The following RSU1 variants were observed in gnomAD, a reference collection of about 807,000 sequenced individuals.
RSU1 encodes Ras suppressor protein 1.
Under a neutral mutation model 31.1 loss-of-function variants are expected in RSU1, and 26 were observed. That is an observed-to-expected ratio of 0.84 (90% CI 0.61 to 1.16). The LOEUF is 1.16. Ranked by LOEUF, RSU1 falls within the 50% of genes most tolerant of loss-of-function variation. RSU1 has a pLI of 0.00. For synonymous variants in RSU1, 164 were observed against 136.3 expected, an observed-to-expected ratio of 1.20 and a Z score of -1.41; for missense variants, 320 against 339.1, an observed-to-expected ratio of 0.94 and a Z score of 0.44.
intron 2 of RSU1, among the ~76,000 whole-genome samples, chr10:16,811,948 G>T (rs1247416027): frequency 6.6e-6 from 1 of 152,156 alleles, no homozygotes; most frequent in Non-Finnish European, 1.5e-5. Flanking sequence ...GAGTATTCTC[G>T]AGGGGCCTCC....
intron 8 of RSU1, among the ~76,000 whole-genome samples, chr10:16,674,393 C>T (rs926171338): frequency 6.6e-4 from 93 of 141,058 alleles, no homozygotes; most frequent in African/African-American, 2.1e-3. Context: ...GGATGTGTCA[C>T]GGAAGGTTTT....
Position 16,695,255 on chromosome 10 carries a change from A to G in RSU1, c.599-100T>C, listed in dbSNP as rs1835653105. On this transcript the variant is annotated intron_variant, in intron 7 of 8. Transcript: ENST00000345264. ...TCACAGCCTAAGTACCCTAAATCAA[A>G]CCCTAAGTGCCTCTTGGATCATTTG... The G allele has an allele frequency of 2.7e-6, 3 of 1,122,044 alleles. No individual in the cohort carries two copies. The South Asian group carries it at 5.4e-5, about 20-fold the overall frequency. 69.5% of individuals were successfully genotyped at this position (1,122,044 alleles called of 1,614,324 possible).
At chr10:16,799,419 C>T (rs1273927641) in intron 2 of RSU1, among the ~76,000 whole-genome samples, 1 of 152,160 alleles carries the variant, frequency 6.6e-6, no homozygotes, top group Non-Finnish European at 1.5e-5. Flanking sequence ...GCAGAAATAC[C>T]TGCTGGAGCC....
At chr10:16,740,795 G>A (rs1424929426) in intron 7 of RSU1, among the ~76,000 whole-genome samples, 1 of 152,118 alleles carries the variant, frequency 6.6e-6, no homozygotes, top group Non-Finnish European at 1.5e-5. Flanking sequence ...AAACATTACT[G>A]AAAGAAATCG....
chr10:16,684,624 T>C (rs894606890), intron 8 of RSU1, among the ~76,000 whole-genome samples: 4 of 152,112 alleles, frequency 2.6e-5, no homozygotes, highest in Non-Finnish European at 2.9e-5. Flanking sequence ...CTTCCCTAAC[T>C]GCCCTCAGAA....
intron 8 of RSU1, among the ~76,000 whole-genome samples, chr10:16,679,204 T>A (rs1462527605): frequency 6.6e-6 from 1 of 152,124 alleles, no homozygotes; most frequent in East Asian, 1.9e-4. Flanking sequence ...TTTCAGAAAT[T>A]AGGGTGACCT....
intron 8 of RSU1, among the ~76,000 whole-genome samples, chr10:16,690,643 T>C (rs780758325): frequency 1.3e-5 from 2 of 152,216 alleles, no homozygotes; most frequent in Non-Finnish European, 2.9e-5. Context: ...TTGGAGTCCA[T>C]TAGAGCCTAT....
intron 7 of RSU1, among the ~76,000 whole-genome samples, chr10:16,697,491 C>T (rs892163555): frequency 2.6e-5 from 4 of 151,982 alleles, no homozygotes; most frequent in African/African-American, 9.7e-5. Context: ...TGGCAAAACC[C>T]AGTCTCTGCT....
At chr10:16,785,408 A>C (rs1421998463) in intron 2 of RSU1, among the ~76,000 whole-genome samples, 1 of 146,750 alleles carries the variant, frequency 6.8e-6, no homozygotes, top group African/African-American at 2.5e-5. Context: ...CTATCTTTCT[A>C]TATATATATA....
intron 8 of RSU1, among the ~76,000 whole-genome samples, chr10:16,686,636 T>C (rs1335073675): frequency 2.6e-5 from 4 of 152,160 alleles, no homozygotes; most frequent in Non-Finnish European, 4.4e-5. Context: ...TGCTCCACTT[T>C]AGGAGCTGTA....
At chr10:16,806,808 C>A (rs1474084694) in intron 2 of RSU1, among the ~76,000 whole-genome samples, 3 of 152,188 alleles carry the variant, frequency 2.0e-5, no homozygotes, top group Non-Finnish European at 4.4e-5. Context: ...GGCTGGAGTA[C>A]AATGGCGTGA....
intron 8 of RSU1, among the ~76,000 whole-genome samples, chr10:16,608,726 C>T (rs951765599): frequency 3.3e-5 from 5 of 151,686 alleles, no homozygotes; most frequent in Admixed American, 1.3e-4. Context: ...TCTTTTTTCA[C>T]TTTCACATTT....
At chr10:16,792,816 T>A (rs1376183301) in intron 2 of RSU1, among the ~76,000 whole-genome samples, 1 of 152,196 alleles carries the variant, frequency 6.6e-6, no homozygotes, top group Non-Finnish European at 1.5e-5. Flanking sequence ...CCTGGTGGAC[T>A]AGAAACAGCC....
intron 7 of RSU1, among the ~76,000 whole-genome samples, chr10:16,741,502 T>C (rs1018104620): frequency 6.6e-6 from 1 of 152,134 alleles, no homozygotes; most frequent in African/African-American, 2.4e-5. Flanking sequence ...ACACTTAGAA[T>C]GTATGAATTG....
intron 8 of RSU1, among the ~76,000 whole-genome samples, chr10:16,647,711 T>TG (rs1291196094): frequency 1.3e-5 from 2 of 152,102 alleles, no homozygotes; most frequent in Non-Finnish European, 2.9e-5. Flanking sequence ...TGGCATCTTC[T>TG]GGGGGGATTA....
At chr10:16,642,049 C>T (rs2131502580) in intron 8 of RSU1, among the ~76,000 whole-genome samples, 1 of 152,286 alleles carries the variant, frequency 6.6e-6, no homozygotes, top group African/African-American at 2.4e-5. Context: ...TAAAAACATC[C>T]TGCTGCTCTT....
chr10:16,698,072 C>A (rs1835718825), intron 7 of RSU1, among the ~76,000 whole-genome samples: 2 of 139,460 alleles, frequency 1.4e-5, no homozygotes, highest in Admixed American at 1.6e-4. Flanking sequence ...GGGCACAGAG[C>A]AGCATTTCTC....
intron 8 of RSU1, among the ~76,000 whole-genome samples, chr10:16,624,513 C>T (rs1414309402): frequency 6.6e-6 from 1 of 152,106 alleles, no homozygotes; most frequent in Non-Finnish European, 1.5e-5. Context: ...CGTAACCACC[C>T]TTGTGCCCCA....
At chr10:16,745,240 G>A (rs146146988) in intron 7 of RSU1, among the ~76,000 whole-genome samples, 1 of 152,276 alleles carries the variant, frequency 6.6e-6, no homozygotes, top group East Asian at 1.9e-4. Flanking sequence ...TCACTGAGCA[G>A]CTGTACTCAT....
Sources: allele counts gnomAD v4.1 joint callset (sites outside exome capture counted in the v4.1 genomes callset), GRCh38; gene constraint gnomAD v4.1.1; transcripts MANE v1.5; gene names NCBI Gene and HGNC (gene_info 2026-07-23, HGNC 2026-07-21).